Variants in CALHM4 observed in about 807,000 individuals in gnomAD.
CALHM4 encodes the protein calcium homeostasis modulator protein 4.
In CALHM4, 16 loss-of-function variants were observed where a neutral mutation model predicts 13.3. The ratio of observed to expected loss-of-function variants is 1.20; its 90% CI spans 0.81 to 1.82. CALHM4 has a LOEUF of 1.82. Among genes scored for constraint, CALHM4 ranks in the 40% most tolerant of loss-of-function variants. The probability of loss-of-function intolerance (pLI) is 0.00; values close to 1 mark genes in which losing one functional copy is unlikely to be tolerated. For missense variants in CALHM4, 344 were observed against 374.9 expected (o/e 0.92, Z 0.68); for synonymous variants, 127 against 137.1 (o/e 0.93, Z 0.52).
chr6:116,553,694 A>C, upstream of CALHM4: 2 of 1,083,330 alleles, frequency 1.8e-6, no homozygotes, highest in East Asian at 2.6e-5. Flanking sequence ...ATCACTTGAC[A>C]CAACCAGTTA....
At position 116,560,593 on chromosome 6, in the gene CALHM4, T is replaced by C. The variant is rs537752887; in HGVS notation, c.*2382T>C. ...TAAAAGGTAGTACACACCCCTGGGATTTCATCTTACAGTACATTATCTATC... is the reference window on the plus strand; with the variant it reads ...TAAAAGGTAGTACACACCCCTGGGACTTCATCTTACAGTACATTATCTATC... On this transcript the variant is annotated 3_prime_UTR_variant, in exon 2 of 2. Transcript: ENST00000368596. 6.8e-6 allele frequency among the ~76,000 whole-genome samples: 1 copy of C among 146,244 alleles called. No individual in the cohort carries two copies. Among genetic ancestry groups the C allele is most frequent in the South Asian group, 2.3e-4 (1 of 4,444 alleles).
At chr6:116,529,649 G>A (rs1772576958) in intron 1 of CALHM4, among the ~76,000 whole-genome samples, 1 of 152,206 alleles carries the variant, frequency 6.6e-6, no homozygotes, top group Non-Finnish European at 1.5e-5. Context: ...ATCTGGTGAG[G>A]TTGACAGGTA....
chr6:116,549,328 C>T (rs181869373), upstream of CALHM4, among the ~76,000 whole-genome samples: 9 of 152,142 alleles, frequency 5.9e-5, no homozygotes, highest in Admixed American at 5.9e-4. Flanking sequence ...AAGTATAAGC[C>T]TAAGGAAAGA....
chr6:116,557,838 T>C lies in CALHM4; in HGVS notation c.572T>C (p.Ile191Thr), dbSNP rs776070502. ...HRYQSQMLGW[I>T]LITLATIAAL... is the part of the protein sequence containing the mutation. The stretch of plus-strand genomic sequence containing the variant: ...AATGATGTGAAGATGCTGGGTTGGA[T>C]TTTGATCACCTTGGCAACCATTGCT... The change falls in exon 2 of 2, where the codon ATT becomes ACT. Residue 191 changes from isoleucine (I) to threonine (T), a missense_variant. By Grantham distance (89) the Ile-to-Thr change is moderately conservative. Coordinates refer to ENST00000368596, the MANE Select transcript of CALHM4 (RefSeq NM_001366078.2). The C allele has an allele frequency of 3.1e-6, 5 of 1,611,580 alleles. No individual in the cohort carries two copies. The Admixed American group carries it at 8.3e-5, about 27-fold the overall frequency.
At chr6:116,556,335 A>G (rs924185910) in intron 1 of CALHM4, among the ~76,000 whole-genome samples, 5 of 152,222 alleles carry the variant, frequency 3.3e-5, no homozygotes, top group Admixed American at 1.3e-4. Flanking sequence ...ATTATAGAGA[A>G]AATGAATGCA....
intron 1 of CALHM4, among the ~76,000 whole-genome samples, chr6:116,530,736 A>G (rs1432994805): frequency 1.3e-5 from 2 of 151,866 alleles, no homozygotes; most frequent in African/African-American, 2.4e-5. Flanking sequence ...GCAAATGTAT[A>G]ACAAAGACAG....
intron 1 of CALHM4, among the ~76,000 whole-genome samples, chr6:116,555,817 C>A (rs912939229): frequency 5.9e-5 from 9 of 152,170 alleles, no homozygotes; most frequent in Non-Finnish European, 1.3e-4. Flanking sequence ...TTTGCCCATG[C>A]CCTATTCTAA....
upstream of CALHM4, among the ~76,000 whole-genome samples, chr6:116,549,006 C>T (rs1354804181): frequency 6.6e-6 from 1 of 152,098 alleles, no homozygotes; most frequent in African/African-American, 2.4e-5. Context: ...ATAAGAAGGC[C>T]AGGCATGGTG....
chr6:116,556,471 C>T (rs12528535), intron 1 of CALHM4, among the ~76,000 whole-genome samples: 57,121 of 152,096 alleles, frequency 0.38, 12,399 homozygotes, highest in East Asian at 0.54. Context: ...GCTTTTCCTC[C>T]GCCATGCTGG....
chr6:116,549,363 CT>C (rs1773946193), upstream of CALHM4, among the ~76,000 whole-genome samples: 1 of 152,126 alleles, frequency 6.6e-6, no homozygotes, highest in Admixed American at 6.5e-5. Context: ...TTGAGCTTTA[CT>C]GAACATGTCA....
Position 116,554,088 on chromosome 6 carries a change from C to A in CALHM4, c.295C>A (p.Leu99Met). Residue 99 changes from leucine to methionine, a missense_variant, in exon 1 of 2, where the codon CTG becomes ATG. Coordinates refer to ENST00000368596, the MANE Select transcript of CALHM4 (RefSeq NM_001366078.2). ...GAGAATCAGCCCCCTAGAGTGCAAG[C>A]TGGCTTGCCTTAGGTTCTTCAGCAT... ...YRRISPLECK[L>M]ACLRFFSITG... The A allele has an allele frequency of 6.4e-7, 1 of 1,550,638 alleles. No homozygotes were observed. Among genetic ancestry groups the A allele is most frequent in the South Asian group, 1.2e-5 (1 of 84,064 alleles).
intron 2 of CALHM4, among the ~76,000 whole-genome samples, chr6:116,548,693 A>G (rs972662265): frequency 2.6e-5 from 4 of 152,222 alleles, no homozygotes; most frequent in Non-Finnish European, 4.4e-5. Context: ...TTCAGAAGTC[A>G]GAGTGCATTT....
intron 1 of CALHM4, chr6:116,543,441 G>GACAGTATACTGTCATA: frequency 1.4e-6 from 2 of 1,430,440 alleles, no homozygotes; most frequent in Non-Finnish European, 1.9e-6. Context: ...GGCAAGTTAT[G>GACAGTATACTGTCATA]ACAGTATACT....
Position 116,529,747 on chromosome 6 carries a change from G to T in CALHM4, c.-109+557G>T, listed in dbSNP as rs77491708. Among the ~76,000 whole-genome samples, 768 of 152,306 alleles carry T rather than the reference G, an allele frequency of 5.0e-3. 8 individuals are homozygous for T. Among genetic ancestry groups the T allele is most frequent in the African/African-American group, 0.016 (656 of 41,558 alleles). ...TTGAGAGGACCATCAGCAAAAATCA[G>T]TCTCCACAATATCAGTGAGAGATTT... On this transcript the variant is annotated intron_variant, in intron 1 of 2. Transcript: ENST00000368597.
intron 2 of CALHM4, among the ~76,000 whole-genome samples, chr6:116,546,275 T>C (rs781755690): frequency 6.6e-6 from 1 of 152,192 alleles, no homozygotes; most frequent in South Asian, 2.1e-4. Context: ...TTTTGAGAGC[T>C]CCTGAGACGT....
At chr6:116,548,224 G>C (rs1773897953) in intron 2 of CALHM4, among the ~76,000 whole-genome samples, 1 of 152,148 alleles carries the variant, frequency 6.6e-6, no homozygotes, top group Non-Finnish European at 1.5e-5. Context: ...TGCTATGTGA[G>C]GATATAGCAA....
intron 1 of CALHM4, among the ~76,000 whole-genome samples, chr6:116,530,248 C>G (rs990675430): frequency 1.3e-5 from 2 of 151,912 alleles, no homozygotes; most frequent in East Asian, 3.9e-4. Context: ...AAGGAAAAAA[C>G]AGCCTAAGAT....
At chr6:116,545,110 T>C (rs1426258553) in intron 2 of CALHM4, among the ~76,000 whole-genome samples, 1 of 150,372 alleles carries the variant, frequency 6.7e-6, no homozygotes, top group Non-Finnish European at 1.5e-5. Flanking sequence ...TACACACATA[T>C]ATATATACAT....
rs200344854 is a variant in CALHM4 at position 116,554,290 on chromosome 6, C to T, written c.497C>T (p.Ala166Val). 47 of 1,550,214 alleles carry T rather than the reference C, an allele frequency of 3.0e-5. No homozygotes were observed. Among genetic ancestry groups the T allele is most frequent in the Non-Finnish European group, 6.1e-6 (7 of 1,147,006 alleles). ...GCTGGGTTTCCATGTTGCAGATCAG[C>T]TCCTTCTGACGTGATCCTAGTAAGA... ...ILAGFPCCRSAPSDVILVRDE... is the reference protein window; with the variant it reads ...ILAGFPCCRSVPSDVILVRDE... Residue 166 changes from alanine (A) to valine (V), a missense_variant, in exon 1 of 2, where the codon GCT becomes GTT. Physicochemically the swap from Ala to Val is moderately conservative, Grantham distance 64. Coordinates refer to ENST00000368596, the MANE Select transcript of CALHM4 (RefSeq NM_001366078.2).
Sources: allele counts gnomAD v4.1 joint callset (sites outside exome capture counted in the v4.1 genomes callset), GRCh38; gene constraint gnomAD v4.1.1; transcripts MANE v1.5; gene names NCBI Gene and HGNC (gene_info 2026-07-23, HGNC 2026-07-21).